The following MAGI2 variants were observed in gnomAD, a reference collection of about 807,000 sequenced individuals.
The protein encoded by MAGI2 is membrane-associated guanylate kinase, WW and PDZ domain-containing protein 2.
Under a neutral mutation model 133.3 loss-of-function variants are expected in MAGI2, and 35 were observed. The ratio of observed to expected loss-of-function variants is 0.26; its 90% CI spans 0.20 to 0.35. The LOEUF (loss-of-function observed/expected upper bound fraction) is 0.35. MAGI2 is among the 10% of genes least tolerant of loss of function. MAGI2 has a pLI of 1.00. For synonymous variants in MAGI2, 729 were observed against 710.6 expected (o/e 1.03, Z -0.41); for missense variants, 1,636 against 1,863.4 (o/e 0.88, Z 2.25).
intron 3 of MAGI2, among the ~76,000 whole-genome samples, chr7:78,571,899 T>C (rs1273377477): frequency 6.6e-6 from 1 of 152,180 alleles, no homozygotes; most frequent in African/African-American, 2.4e-5. Context: ...AAAATTTTCA[T>C]TTTGTAGACA....
chr7:79,236,299 C>A (rs1831919393), intron 1 of MAGI2, among the ~76,000 whole-genome samples: 1 of 152,138 alleles, frequency 6.6e-6, no homozygotes, highest in Non-Finnish European at 1.5e-5. Context: ...TTCCTATCCA[C>A]AACCAATTCA....
Position 78,425,483 on chromosome 7 carries a change from GATT to G in MAGI2, c.1046-56273_1046-56271del, listed in dbSNP as rs1799196893. ...AAATGTGTTTACTTGAGGTCACAGA[GATT>G]ATACATGGTAGAGTTGGAAATGGTA... On this transcript the variant is annotated intron_variant, in intron 6 of 21. Coordinates refer to ENST00000354212, the MANE Select transcript of MAGI2 (RefSeq NM_012301.4). 2.0e-5 allele frequency among the ~76,000 whole-genome samples: 3 copies of G among 152,214 alleles called. No homozygotes were observed. In the South Asian group the frequency reaches 6.2e-4, roughly 31 times the overall value.
intron 5 of MAGI2, among the ~76,000 whole-genome samples, chr7:78,496,798 T>C (rs1584397336): frequency 6.6e-6 from 1 of 152,146 alleles, no homozygotes; most frequent in Admixed American, 6.5e-5. Context: ...ACAAGGACCA[T>C]GGAGACAGTC....
chr7:78,711,980 A>T (rs955099820), intron 2 of MAGI2, among the ~76,000 whole-genome samples: 1 of 152,182 alleles, frequency 6.6e-6, no homozygotes, highest in African/African-American at 2.4e-5. Flanking sequence ...TCTTATACAC[A>T]TTGGTCTTTA....
chr7:79,256,463 C>A (rs1585343528), intron 1 of MAGI2, among the ~76,000 whole-genome samples: 1 of 137,910 alleles, frequency 7.3e-6, no homozygotes, highest in African/African-American at 2.6e-5. Flanking sequence ...TTTCTTAAGT[C>A]TTTTCTGTCT....
Position 78,236,970 on chromosome 7 carries a change from G to A in MAGI2, c.2047+18973C>T, listed in dbSNP as rs976431784. On this transcript the variant is annotated intron_variant, in intron 10 of 21. Transcript: ENST00000354212. ...ACCCCTTATAAAAACATCAGATCTC[G>A]TGAGACTTACTATCACAAGAACAGC... Among the ~76,000 whole-genome samples the A allele has an allele frequency of 8.5e-4, 129 of 152,250 alleles. 10 individuals are homozygous for A. Among genetic ancestry groups the A allele is most frequent in the South Asian group, 2.7e-3 (13 of 4,820 alleles).
chr7:78,796,564 G>A (rs534412282), intron 2 of MAGI2, among the ~76,000 whole-genome samples: 5 of 152,206 alleles, frequency 3.3e-5, no homozygotes, highest in South Asian at 2.1e-4. Flanking sequence ...AGTCATTATC[G>A]AAAACGGTAT....
At chr7:78,371,482 T>G (rs1419321329) in intron 6 of MAGI2, among the ~76,000 whole-genome samples, 2 of 152,128 alleles carry the variant, frequency 1.3e-5, no homozygotes, top group East Asian at 3.9e-4. Context: ...AATACAGCCC[T>G]ACTTCTTAAT....
intron 7 of MAGI2, among the ~76,000 whole-genome samples, chr7:78,353,963 AG>A (rs1276911712): frequency 2.0e-5 from 3 of 152,274 alleles, no homozygotes; most frequent in Admixed American, 6.5e-5. Context: ...GCAGCTTTTA[AG>A]GTCTCCATCT....
intron 7 of MAGI2, among the ~76,000 whole-genome samples, chr7:78,356,032 C>G (rs780334133): frequency 3.9e-5 from 6 of 152,048 alleles, no homozygotes; most frequent in Non-Finnish European, 7.4e-5. Context: ...ACATTGCTTT[C>G]AAACCAGAAG....
chr7:78,225,663 A>G (rs1418696435), intron 10 of MAGI2, among the ~76,000 whole-genome samples: 1 of 152,212 alleles, frequency 6.6e-6, no homozygotes, highest in Non-Finnish European at 1.5e-5. Flanking sequence ...AATAGCCTGA[A>G]TATTTGTTGG....
intron 3 of MAGI2, among the ~76,000 whole-genome samples, chr7:78,558,987 C>T (rs893368475): frequency 4.6e-5 from 7 of 151,360 alleles, no homozygotes; most frequent in Non-Finnish European, 7.4e-5. Flanking sequence ...ATTTCAGGAA[C>T]CCAATTTCAT....
intron 1 of MAGI2, among the ~76,000 whole-genome samples, chr7:79,223,176 C>G (rs1248514992): frequency 2.0e-5 from 3 of 152,012 alleles, no homozygotes; most frequent in Non-Finnish European, 4.4e-5. Context: ...TGAGCCACTG[C>G]GCGTGGCCAT....
intron 6 of MAGI2, among the ~76,000 whole-genome samples, chr7:78,399,110 G>A (rs927952597): frequency 1.4e-5 from 2 of 144,568 alleles, no homozygotes; most frequent in African/African-American, 5.1e-5. Flanking sequence ...AAGGATAGAT[G>A]CAATAAAGAA....
At chr7:78,685,664 G>A (rs58753570) in intron 2 of MAGI2, among the ~76,000 whole-genome samples, 32,371 of 150,182 alleles carry the variant, frequency 0.22, 3,538 homozygotes, top group Middle Eastern at 0.25. Context: ...GTGTGTGTGT[G>A]TGTATATATA....
rs190872213 is a variant in MAGI2, at chr7:78,535,118, C to T, written c.539-13473G>A. Reference sequence around the variant, plus strand: ...CTGCACTCCAGCCTGGGTGACAGAGCGAGACTCCATCTCAAAAAAGAAAAG... The same window carrying T: ...CTGCACTCCAGCCTGGGTGACAGAGTGAGACTCCATCTCAAAAAAGAAAAG... On this transcript the variant is annotated intron_variant, in intron 3 of 21. Coordinates refer to ENST00000354212, the MANE Select transcript of MAGI2 (RefSeq NM_012301.4). Among the ~76,000 whole-genome samples the T allele has an allele frequency of 5.8e-4, 88 of 151,822 alleles. 1 individual carries two copies. The highest frequency in any genetic ancestry group is 6.8e-3 in the Middle Eastern group (2 of 292).
At chr7:78,290,231 A>T (rs1796561126) in intron 9 of MAGI2, among the ~76,000 whole-genome samples, 1 of 152,230 alleles carries the variant, frequency 6.6e-6, no homozygotes, top group Admixed American at 6.5e-5. Flanking sequence ...AGACACACAT[A>T]GACTCAAATT....
At chr7:78,900,624 C>A (rs1406206995) in intron 2 of MAGI2, among the ~76,000 whole-genome samples, 1 of 152,180 alleles carries the variant, frequency 6.6e-6, no homozygotes, top group Non-Finnish European at 1.5e-5. Flanking sequence ...AAGATTATAA[C>A]CCCTACTGTT....
chr7:78,877,227 T>C (rs1233477352), intron 2 of MAGI2, among the ~76,000 whole-genome samples: 1 of 152,258 alleles, frequency 6.6e-6, no homozygotes, highest in Middle Eastern at 3.2e-3. Context: ...CAAGCTAATA[T>C]AAAGTGGTGA....
Sources: allele counts gnomAD v4.1 joint callset (sites outside exome capture counted in the v4.1 genomes callset), GRCh38; gene constraint gnomAD v4.1.1; transcripts MANE v1.5; gene names NCBI Gene and HGNC (gene_info 2026-07-23, HGNC 2026-07-21).